Variants in MED13L observed in about 807,000 individuals in gnomAD.
MED13L encodes the protein mediator of RNA polymerase II transcription subunit 13-like.
A neutral mutation model predicts 220.9 loss-of-function variants in MED13L; 7 were observed. The observed-to-expected ratio is 0.03, with a 90% CI of 0.02 to 0.06. MED13L has a LOEUF of 0.06. Ranked by LOEUF, MED13L falls within the 10% of genes least tolerant of loss-of-function variation. The probability of loss-of-function intolerance (pLI) is 1.00; values close to 1 mark genes in which losing one functional copy is unlikely to be tolerated. For synonymous variants in MED13L, 1,011 were observed against 1,015.2 expected, an observed-to-expected ratio of 1.00 and a Z score of 0.08; for missense variants, 1,965 against 2,760.5, an observed-to-expected ratio of 0.71 and a Z score of 6.46.
chr12:116,134,014 C>T (rs973660661), intron 2 of MED13L, among the ~76,000 whole-genome samples: 9 of 152,188 alleles, frequency 5.9e-5, no homozygotes, highest in African/African-American at 1.7e-4. Flanking sequence ...GTGGAGCCCT[C>T]AGACATCCTG....
chr12:116,104,443 AC>A (rs1873378777), intron 3 of MED13L, among the ~76,000 whole-genome samples: 1 of 152,182 alleles, frequency 6.6e-6, no homozygotes, highest in East Asian at 1.9e-4. Context: ...CATTATTTTC[AC>A]TGTATATTCC....
At chr12:116,250,908 G>A (rs1871492572) in intron 1 of MED13L, among the ~76,000 whole-genome samples, 1 of 151,546 alleles carries the variant, frequency 6.6e-6, no homozygotes, top group African/African-American at 2.4e-5. Context: ...AAAAAAGTAT[G>A]ACAACAATAG....
chr12:116,065,206 G>A (rs1217169782), intron 4 of MED13L, among the ~76,000 whole-genome samples: 1 of 152,042 alleles, frequency 6.6e-6, no homozygotes, highest in Non-Finnish European at 1.5e-5. Flanking sequence ...ATAATCTTTT[G>A]GGACTATGTC....
chr12:116,142,763 G>A (rs1404581289), intron 2 of MED13L, among the ~76,000 whole-genome samples: 1 of 152,074 alleles, frequency 6.6e-6, no homozygotes, highest in African/African-American at 2.4e-5. Context: ...ATGTATGTGT[G>A]CATAAAAATA....
chr12:116,020,843 C>A (rs1196660767), intron 5 of MED13L, among the ~76,000 whole-genome samples: 1 of 152,032 alleles, frequency 6.6e-6, no homozygotes, highest in Non-Finnish European at 1.5e-5. Flanking sequence ...TAATTTTTAA[C>A]AAAAACTCAG....
intron 12 of MED13L, 135 bp downstream of exon 12, chr12:116,006,171 A>G: frequency 8.0e-7 from 1 of 1,254,438 alleles, no homozygotes; most frequent in East Asian, 2.5e-5. Context: ...GAACTGAAAA[A>G]CAAACTATGA....
At chr12:116,091,091 A>G (rs1339469509) in intron 4 of MED13L, among the ~76,000 whole-genome samples, 2 of 143,894 alleles carry the variant, frequency 1.4e-5, no homozygotes, top group Non-Finnish European at 1.5e-5. Context: ...TGTGCACTCC[A>G]GCCTGGGTGA....
intron 3 of MED13L, among the ~76,000 whole-genome samples, chr12:116,105,370 T>C (rs1873470677): frequency 6.6e-6 from 1 of 152,196 alleles, no homozygotes; most frequent in South Asian, 2.1e-4. Flanking sequence ...AAGTAAAAAC[T>C]ACATTTTATC....
intron 1 of MED13L, among the ~76,000 whole-genome samples, chr12:116,257,315 T>C (rs919435333): frequency 6.6e-6 from 1 of 152,202 alleles, no homozygotes; most frequent in Non-Finnish European, 1.5e-5. Flanking sequence ...ACATACACTT[T>C]ACACTGCTGT....
At chr12:116,216,715 C>A (rs150362320) in intron 2 of MED13L, among the ~76,000 whole-genome samples, 1 of 152,280 alleles carries the variant, frequency 6.6e-6, no homozygotes, top group African/African-American at 2.4e-5. Context: ...ATTAAATCCA[C>A]TTTCTCGTGT....
At chr12:115,990,354 C>T (rs1365622853) in intron 17 of MED13L, among the ~76,000 whole-genome samples, 1 of 152,214 alleles carries the variant, frequency 6.6e-6, no homozygotes, top group African/African-American at 2.4e-5. Context: ...TTGATGTCCA[C>T]TTCCAGAATA....
At position 115,984,390 on chromosome 12, in the gene MED13L, A is replaced by T; in HGVS notation, c.4339-18T>A. On this transcript the variant is annotated intron_variant, in intron 19 of 30. Coordinates refer to ENST00000281928, the MANE Select transcript of MED13L (RefSeq NM_015335.5). ...CTACACATCTGATATCATAGACAAG[A>T]TCATTAGTTATAACAGGAGCCATTC... 6.2e-7 allele frequency: 1 copy of T among 1,613,504 alleles called. No homozygotes were observed. The highest frequency in any genetic ancestry group is 1.7e-4 in the Middle Eastern group (1 of 6,060).
chr12:115,982,661 A>G (rs1877409048), intron 21 of MED13L, 58 bp from the exon 22 acceptor site: 5 of 1,407,392 alleles, frequency 3.6e-6, no homozygotes, highest in Non-Finnish European at 5.0e-6. Context: ...ACGAACATGA[A>G]AAACAAAAGG....
chr12:116,099,666 T>G (rs1286562256), intron 3 of MED13L, among the ~76,000 whole-genome samples: 3 of 152,250 alleles, frequency 2.0e-5, no homozygotes, highest in Non-Finnish European at 4.4e-5. Flanking sequence ...TTATTTGTTC[T>G]TCTATCAAGT....
intron 2 of MED13L, among the ~76,000 whole-genome samples, chr12:116,120,520 C>CAG (rs1422866393): frequency 2.1e-5 from 3 of 143,862 alleles, no homozygotes; most frequent in African/African-American, 5.2e-5. Context: ...CACACACACA[C>CAG]AGAGTAAGAT....
intron 2 of MED13L, among the ~76,000 whole-genome samples, chr12:116,139,330 G>C (rs1362691981): frequency 6.6e-6 from 1 of 152,096 alleles, no homozygotes; most frequent in Non-Finnish European, 1.5e-5. Context: ...TTATAGGTTC[G>C]CTAAATTACA....
intron 2 of MED13L, among the ~76,000 whole-genome samples, chr12:116,153,721 C>A (rs1041661744): frequency 3.3e-5 from 5 of 152,188 alleles, no homozygotes; most frequent in Non-Finnish European, 7.3e-5. Flanking sequence ...CCCATTCCCC[C>A]TTACTGCAGG....
chr12:116,097,912 C>G (rs574567437), intron 3 of MED13L, among the ~76,000 whole-genome samples: 1 of 152,142 alleles, frequency 6.6e-6, no homozygotes. Context: ...TGGCCAACTG[C>G]GGATGCCATG....
At chr12:115,974,573 T>C (rs1037582357) in intron 25 of MED13L, among the ~76,000 whole-genome samples, 4 of 152,194 alleles carry the variant, frequency 2.6e-5, no homozygotes, top group Admixed American at 2.6e-4. Flanking sequence ...TCCTGACTGT[T>C]AAATTTATGA....
Sources: allele counts gnomAD v4.1 joint callset (sites outside exome capture counted in the v4.1 genomes callset), GRCh38; gene constraint gnomAD v4.1.1; transcripts MANE v1.5; gene names NCBI Gene and HGNC (gene_info 2026-07-23, HGNC 2026-07-21).